The following PFDN1 variants were observed in gnomAD, a reference collection of about 807,000 sequenced individuals.
The protein encoded by PFDN1 is prefoldin subunit 1, also known as prefoldin 1.
A neutral mutation model predicts 17.3 loss-of-function variants in PFDN1; 6 were observed. That is an observed-to-expected ratio of 0.35 (90% confidence interval 0.19 to 0.69). PFDN1 has a LOEUF of 0.69. PFDN1 is among the 30% of genes least tolerant of loss of function. The pLI is 0.65. For synonymous variants in PFDN1, 58 were observed against 50.1 expected (o/e 1.16, Z -0.67); for missense variants, 113 against 146.2 (o/e 0.77, Z 1.17).
intron 2 of PFDN1, among the ~76,000 whole-genome samples, chr5:140,282,342 ATC>A (rs1228941801): frequency 4.6e-5 from 7 of 151,838 alleles, no homozygotes; most frequent in Admixed American, 3.9e-4. Context: ...TTTTTCAGTT[ATC>A]TGTTTCAATT....
intron 1 of PFDN1, among the ~76,000 whole-genome samples, chr5:140,301,698 GT>G (rs1393348176): frequency 6.6e-6 from 1 of 152,118 alleles, no homozygotes; most frequent in Non-Finnish European, 1.5e-5. Context: ...CATTTTCTTA[GT>G]TTGCATTCAC....
intron 3 of PFDN1, among the ~76,000 whole-genome samples, chr5:140,256,368 A>C (rs1453318404): frequency 6.6e-6 from 1 of 152,062 alleles, no homozygotes; most frequent in Non-Finnish European, 1.5e-5. Flanking sequence ...TGACAGAGCA[A>C]GCCTCCATCT....
At chr5:140,295,496 T>C (rs1217882346) in intron 2 of PFDN1, among the ~76,000 whole-genome samples, 1 of 152,192 alleles carries the variant, frequency 6.6e-6, no homozygotes, top group Non-Finnish European at 1.5e-5. Flanking sequence ...ACTTTCATCA[T>C]AGTTCTCAAA....
chr5:140,290,795 A>G (rs958145053), intron 2 of PFDN1, among the ~76,000 whole-genome samples: 6 of 152,208 alleles, frequency 3.9e-5, no homozygotes, highest in African/African-American at 1.4e-4. Context: ...AATGCATTTT[A>G]TTCTATATAA....
chr5:140,285,024 C>G (rs1215429796), intron 2 of PFDN1, among the ~76,000 whole-genome samples: 2 of 152,186 alleles, frequency 1.3e-5, no homozygotes, highest in Non-Finnish European at 2.9e-5. Flanking sequence ...CATTGTTCAC[C>G]TGCCCAAAAC....
chr5:140,279,342 A>G (rs1765354682), intron 3 of PFDN1, among the ~76,000 whole-genome samples: 1 of 152,148 alleles, frequency 6.6e-6, no homozygotes, highest in African/African-American at 2.4e-5. Flanking sequence ...AAAAAAGAAA[A>G]AAGAACTTCC....
Position 140,303,022 on chromosome 5 carries a change from G to T in PFDN1, c.33+19C>A. ...GCCTCCAAAAAGAAGACCTCCGCCT[G>T]CCAAAGACCCTCTTTTACCTTCTTC... On this transcript the variant is annotated intron_variant, in intron 1 of 3. Coordinates refer to ENST00000261813, the MANE Select transcript of PFDN1 (RefSeq NM_002622.5). The T allele has an allele frequency of 6.3e-7, 1 of 1,589,348 alleles. No individual in the cohort carries two copies. Among genetic ancestry groups the T allele is most frequent in the Non-Finnish European group, 8.6e-7 (1 of 1,157,402 alleles).
rs191426044 is a variant in PFDN1 at position 140,260,806 on chromosome 5, C to T, written c.286-14749G>A. On this transcript the variant is annotated intron_variant, in intron 3 of 3. Transcript: ENST00000261813. ...TGTATTTTATGTTATGTGAATTTTACCTCACTTTAAAAAATATATATATCT... is the reference window on the plus strand; with the variant it reads ...TGTATTTTATGTTATGTGAATTTTATCTCACTTTAAAAAATATATATATCT... 7.7e-4 allele frequency among the ~76,000 whole-genome samples: 114 copies of T among 147,356 alleles called. No homozygotes were observed. In the Middle Eastern group the frequency reaches 0.021, roughly 27 times the overall value.
chr5:140,269,598 C>T (rs191332430), intron 3 of PFDN1, among the ~76,000 whole-genome samples: 1 of 152,182 alleles, frequency 6.6e-6, no homozygotes, highest in Non-Finnish European at 1.5e-5. Context: ...GGATTATAGG[C>T]GTGAGCCACC....
intron 3 of PFDN1, among the ~76,000 whole-genome samples, chr5:140,273,244 CAA>C (rs1204221243): frequency 2.7e-4 from 18 of 67,206 alleles, no homozygotes; most frequent in Non-Finnish European, 3.3e-4. Flanking sequence ...GACTCCATCT[CAA>C]AAAAAAAAAA....
At chr5:140,285,281 G>T (rs2126695359) in intron 2 of PFDN1, among the ~76,000 whole-genome samples, 1 of 151,172 alleles carries the variant, frequency 6.6e-6, no homozygotes, top group East Asian at 2.0e-4. Context: ...CCGGGAGGTG[G>T]AGTTTGCAGT....
At chr5:140,267,137 G>A (rs991106701) in intron 3 of PFDN1, among the ~76,000 whole-genome samples, 2 of 152,170 alleles carry the variant, frequency 1.3e-5, no homozygotes, top group African/African-American at 4.8e-5. Flanking sequence ...GTTACATGCA[G>A]GTGCACTGGA....
intron 3 of PFDN1, chr5:140,265,976 T>C (rs1336048663): frequency 1.3e-5 from 2 of 152,380 alleles, no homozygotes; most frequent in Non-Finnish European, 2.9e-5. Flanking sequence ...TTCCAGACTT[T>C]TGTCCACACT....
At chr5:140,297,788 G>T (rs562172914) in intron 2 of PFDN1, among the ~76,000 whole-genome samples, 1 of 152,164 alleles carries the variant, frequency 6.6e-6, no homozygotes, top group Non-Finnish European at 1.5e-5. Flanking sequence ...TCTGCAGAAC[G>T]TTTAATAAAT....
At chr5:140,255,490 T>A (rs1048266463) in intron 3 of PFDN1, among the ~76,000 whole-genome samples, 1 of 151,968 alleles carries the variant, frequency 6.6e-6, no homozygotes, top group African/African-American at 2.4e-5. Flanking sequence ...AATAAAAAAA[T>A]CAGCTGGGCA....
intron 3 of PFDN1, among the ~76,000 whole-genome samples, chr5:140,258,922 G>T (rs1268099185): frequency 1.3e-5 from 2 of 152,232 alleles, no homozygotes; most frequent in African/African-American, 4.8e-5. Context: ...CGTGGTACTT[G>T]AAGTCGTGAG....
chr5:140,297,017 A>G (rs1765664408), intron 2 of PFDN1, among the ~76,000 whole-genome samples: 1 of 152,200 alleles, frequency 6.6e-6, no homozygotes, highest in Non-Finnish European at 1.5e-5. Flanking sequence ...GATGTGATTA[A>G]TTCTGAAAGA....
rs1765774008 is a variant in PFDN1 at position 140,303,093 on chromosome 5, C to A, written c.-20G>T. 3.1e-6 allele frequency: 5 copies of A among 1,607,806 alleles called. No homozygotes were observed. Among genetic ancestry groups the A allele is most frequent in the Non-Finnish European group, 3.4e-6 (4 of 1,174,316 alleles). On this transcript the variant is annotated 5_prime_UTR_variant, in exon 1 of 4. The change creates a new upstream start codon in the 5' untranslated region. Coordinates refer to ENST00000261813, the MANE Select transcript of PFDN1 (RefSeq NM_002622.5). Reference sequence around the variant, plus strand: ...GGCCATCTTGGTGCACTGTAAGCGCCTGCGCAGTGGGAGTTGGACTGAAAT... The same window carrying A: ...GGCCATCTTGGTGCACTGTAAGCGCATGCGCAGTGGGAGTTGGACTGAAAT...
intron 3 of PFDN1, among the ~76,000 whole-genome samples, chr5:140,264,517 T>C (rs1343109814): frequency 6.6e-6 from 1 of 152,138 alleles, no homozygotes; most frequent in Non-Finnish European, 1.5e-5. Flanking sequence ...ATTCTAAGGG[T>C]TGAAGCTTTT....
Sources: allele counts gnomAD v4.1 joint callset (sites outside exome capture counted in the v4.1 genomes callset), GRCh38; gene constraint gnomAD v4.1.1; transcripts MANE v1.5; gene names NCBI Gene and HGNC (gene_info 2026-07-23, HGNC 2026-07-21).